The following SCAPER variants were observed in gnomAD, a reference collection of about 807,000 sequenced individuals.
SCAPER encodes the protein S-phase cyclin A associated protein in the ER.
SCAPER carries 98 observed loss-of-function variants against 182.2 expected under a neutral mutation model. That is an observed-to-expected ratio of 0.54 (90% CI 0.46 to 0.64). SCAPER has a LOEUF of 0.64. Ranked by LOEUF, SCAPER falls within the 30% of genes least tolerant of loss-of-function variation. SCAPER has a pLI of 0.00. For missense variants in SCAPER, 1,432 were observed against 1,690.0 expected (o/e 0.85, Z 2.68); for synonymous variants, 605 against 564.6 (o/e 1.07, Z -1.01).
intron 22 of SCAPER, among the ~76,000 whole-genome samples, chr15:76,607,389 G>C (rs1169810802): frequency 6.6e-6 from 1 of 152,238 alleles, no homozygotes; most frequent in African/African-American, 2.4e-5. Context: ...GAGATCAGCT[G>C]TTCATCTGAT....
chr15:76,901,536 T>C (rs2074782983), intron 1 of SCAPER, among the ~76,000 whole-genome samples: 1 of 152,230 alleles, frequency 6.6e-6, no homozygotes, highest in Non-Finnish European at 1.5e-5. Flanking sequence ...TGCTCATGTA[T>C]AATATATAGC....
intron 24 of SCAPER, among the ~76,000 whole-genome samples, chr15:76,471,756 G>A (rs535682250): frequency 6.6e-6 from 1 of 152,228 alleles, no homozygotes; most frequent in South Asian, 2.1e-4. Context: ...GAAGAAGAGA[G>A]CACCCATAAG....
At chr15:76,645,922 AAT>A (rs2146448690) in intron 21 of SCAPER, among the ~76,000 whole-genome samples, 1 of 152,244 alleles carries the variant, frequency 6.6e-6, no homozygotes, top group South Asian at 2.1e-4. Context: ...AGAATCCTGT[AAT>A]ATTTGTTAAA....
At chr15:76,735,898 G>A (rs905538723) in intron 15 of SCAPER, among the ~76,000 whole-genome samples, 6 of 152,144 alleles carry the variant, frequency 3.9e-5, no homozygotes, top group South Asian at 4.1e-4. Flanking sequence ...CCTGGTGGAT[G>A]CCTCAAATCA....
intron 4 of SCAPER, 38 bp from the exon 5 acceptor site, chr15:76,841,969 A>C: frequency 6.4e-7 from 1 of 1,558,216 alleles, no homozygotes. Flanking sequence ...TAAATAAATA[A>C]AAGGGCTTCC....
intron 23 of SCAPER, among the ~76,000 whole-genome samples, chr15:76,511,841 A>ATGTGTGTGTG (rs755966745): frequency 0.031 from 3,238 of 104,344 alleles, 77 homozygotes; most frequent in East Asian, 0.075. Context: ...ATATATATAT[A>ATGTGTGTGTG]TATGTGTGTG....
chr15:76,788,371 T>TA (rs1247432662), intron 8 of SCAPER, among the ~76,000 whole-genome samples: 1 of 152,164 alleles, frequency 6.6e-6, no homozygotes, highest in Non-Finnish European at 1.5e-5. Context: ...AAAGCTGGTA[T>TA]AAAAAATGAA....
At chr15:76,796,423 A>T (rs987803291) in intron 7 of SCAPER, among the ~76,000 whole-genome samples, 2 of 152,222 alleles carry the variant, frequency 1.3e-5, no homozygotes, top group Non-Finnish European at 2.9e-5. Flanking sequence ...TGGTCTACTT[A>T]ATATTTAAAT....
chr15:76,442,539 C>T (rs1179453841), intron 25 of SCAPER, among the ~76,000 whole-genome samples: 2 of 152,174 alleles, frequency 1.3e-5, no homozygotes, highest in Non-Finnish European at 2.9e-5. Flanking sequence ...GTATCCAGTT[C>T]CTTATGTATA....
chr15:76,716,332 T>C (rs2059886691), intron 17 of SCAPER, among the ~76,000 whole-genome samples: 2 of 152,050 alleles, frequency 1.3e-5, no homozygotes, highest in South Asian at 2.1e-4. Flanking sequence ...CTTCCCACTC[T>C]GTAAAGTTGG....
chr15:76,378,572 C>G (rs1158201678), intron 28 of SCAPER, among the ~76,000 whole-genome samples: 1 of 152,218 alleles, frequency 6.6e-6, no homozygotes, highest in Admixed American at 6.5e-5. Context: ...TCACGTCCAT[C>G]TACATAAATG....
Position 76,667,641 on chromosome 15 carries a change from A to AC in SCAPER, c.2509-1853_2509-1852insG, listed in dbSNP as rs1567746673. ...ACTCAGTCTCAAAAAAAAAAAAAAA[A>AC]AAAAAAAAAAAAAAAAAAAAACGCT... On this transcript the variant is annotated intron_variant, in intron 20 of 31. Transcript: ENST00000563290. Among the ~76,000 whole-genome samples, 209 of 102,524 alleles carry AC rather than the reference A, an allele frequency of 2.0e-3. 8 individuals carry two copies. Among genetic ancestry groups the AC allele is most frequent in the African/African-American group, 9.5e-3 (204 of 21,560 alleles). 67.3% of individuals were successfully genotyped at this position (102,524 alleles called of 152,430 possible). A position where few individuals can be genotyped will look rare whatever the true frequency, so the allele number is the denominator to read the frequency against.
rs6495205 is a variant in SCAPER, at chr15:76,454,720, T to C, written c.3078+16492A>G. ...TTGTCTGGTTTTGTTACCAAGGTTA[T>C]AGTGGTCTTAAAAAAATGAACTGTG... On this transcript the variant is annotated intron_variant, in intron 25 of 31. Coordinates refer to ENST00000563290, the MANE Select transcript of SCAPER (RefSeq NM_020843.4). Among the ~76,000 whole-genome samples the C allele has an allele frequency of 8.0e-3, 1,216 of 152,278 alleles. 16 individuals are homozygous for C. Among genetic ancestry groups the C allele is most frequent in the African/African-American group, 0.028 (1,155 of 41,550 alleles).
intron 2 of SCAPER, among the ~76,000 whole-genome samples, chr15:76,869,206 T>C (rs944530360): frequency 6.6e-6 from 1 of 151,980 alleles, no homozygotes; most frequent in African/African-American, 2.4e-5. Flanking sequence ...TTTGTCTGGG[T>C]AAAGAATTTT....
chr15:76,705,582 A>G (rs1190683286), intron 18 of SCAPER, among the ~76,000 whole-genome samples: 1 of 151,970 alleles, frequency 6.6e-6, no homozygotes, highest in Non-Finnish European at 1.5e-5. Flanking sequence ...GATGGCTTTT[A>G]GGATGGTTAA....
At chr15:76,797,815 G>A (rs557803506) in intron 7 of SCAPER, among the ~76,000 whole-genome samples, 1 of 152,054 alleles carries the variant, frequency 6.6e-6, no homozygotes, top group African/African-American at 2.4e-5. Context: ...AATGAGTTAA[G>A]TGTAGCACTA....
chr15:76,440,056 C>A (rs1165833147), intron 25 of SCAPER, among the ~76,000 whole-genome samples: 6 of 152,080 alleles, frequency 3.9e-5, no homozygotes, highest in Non-Finnish European at 8.8e-5. Flanking sequence ...AGATATTTGA[C>A]CTTTTAAAAA....
intron 11 of SCAPER, 72 bp from the exon 12 acceptor site, chr15:76,765,710 A>G (rs2063070762): frequency 9.0e-6 from 11 of 1,219,572 alleles, no homozygotes; most frequent in Non-Finnish European, 1.3e-5. Flanking sequence ...TGAACTATAC[A>G]TGAAAATGTC....
intron 16 of SCAPER, 63 bp downstream of exon 16, chr15:76,733,166 G>A (rs1445474667): frequency 1.2e-5 from 18 of 1,466,538 alleles, no homozygotes; most frequent in East Asian, 4.9e-5. Context: ...CCGACCCTGC[G>A]GGGCTGGACC....
Sources: gnomAD v4.1 joint callset for allele counts (sites outside exome capture counted in the v4.1 genomes callset) on GRCh38, gnomAD v4.1.1 for gene constraint, MANE v1.5 for transcripts, NCBI Gene and HGNC (gene_info 2026-07-23, HGNC 2026-07-21) for gene names.